CCDC152: variants seen among roughly 807,000 people sequenced by gnomAD.
CCDC152 encodes the protein coiled-coil domain containing 152.
In CCDC152, 37 loss-of-function variants were observed where a neutral mutation model predicts 38.1. The ratio of observed to expected loss-of-function variants is 0.97; its 90% CI spans 0.75 to 1.28. The LOEUF (loss-of-function observed/expected upper bound fraction) is 1.28. Among genes scored for constraint, CCDC152 ranks in the 50% most tolerant of loss-of-function variants. CCDC152 has a pLI of 0.00. For missense variants in CCDC152, 259 were observed against 292.1 expected (o/e 0.89, Z 0.83); for synonymous variants, 83 against 87.1 (o/e 0.95, Z 0.26).
chr5:42,767,037 C>A (rs1332155929), intron 3 of CCDC152, among the ~76,000 whole-genome samples: 6 of 152,046 alleles, frequency 3.9e-5, no homozygotes, highest in African/African-American at 1.4e-4. Flanking sequence ...AATATATACA[C>A]CTACTATGTA....
chr5:42,766,282 G>A (rs533560419), intron 3 of CCDC152, among the ~76,000 whole-genome samples: 3 of 152,316 alleles, frequency 2.0e-5, no homozygotes, highest in Non-Finnish European at 4.4e-5. Context: ...TGGTGAGGAT[G>A]TGGAGAGAAG....
At chr5:42,788,993 A>G (rs925484564) in intron 6 of CCDC152, among the ~76,000 whole-genome samples, 1 of 152,196 alleles carries the variant, frequency 6.6e-6, no homozygotes, top group African/African-American at 2.4e-5. Context: ...CAGCCAGTAC[A>G]GCACCCACCA....
In CCDC152 at chr5:42,801,330, G is replaced by C. The variant is rs1223855134; in HGVS notation, c.*1549G>C. The stretch of plus-strand genomic sequence containing the variant: ...TTTACAAAAGTCTTCATCTTTGAGA[G>C]TCTGGAACAAATTTATAAATCACTT... On this transcript the variant is annotated 3_prime_UTR_variant, in exon 9 of 9. Coordinates refer to ENST00000361970, the MANE Select transcript of CCDC152 (RefSeq NM_001134848.2). 2 of 1,592,950 alleles carry C rather than the reference G, an allele frequency of 1.3e-6. No homozygotes were observed. The highest frequency in any genetic ancestry group is 1.7e-6 in the Non-Finnish European group (2 of 1,171,192).
intron 6 of CCDC152, among the ~76,000 whole-genome samples, chr5:42,789,311 C>T (rs1400552406): frequency 1.3e-5 from 2 of 152,178 alleles, no homozygotes; most frequent in African/African-American, 4.8e-5. Flanking sequence ...TGGCTCTCTT[C>T]CCTCAGTTTT....
At chr5:42,785,604 G>T (rs2111575167) in intron 6 of CCDC152, among the ~76,000 whole-genome samples, 1 of 152,120 alleles carries the variant, frequency 6.6e-6, no homozygotes, top group East Asian at 1.9e-4. Context: ...TTTCCAATTT[G>T]AATGGCTACT....
chr5:42,768,105 C>A (rs536046022), intron 3 of CCDC152, among the ~76,000 whole-genome samples: 8 of 152,272 alleles, frequency 5.3e-5, no homozygotes, highest in Non-Finnish European at 1.0e-4. Flanking sequence ...AAAATACTCT[C>A]ATTTCTATCA....
chr5:42,793,667 G>A (rs1266369405), intron 6 of CCDC152, among the ~76,000 whole-genome samples: 3 of 152,178 alleles, frequency 2.0e-5, no homozygotes, highest in Non-Finnish European at 2.9e-5. Flanking sequence ...GGAGTGCAGT[G>A]TTGCCATCTC....
chr5:42,761,471 C>T (rs10155561), intron 2 of CCDC152, among the ~76,000 whole-genome samples: 4 of 151,894 alleles, frequency 2.6e-5, no homozygotes, highest in African/African-American at 4.8e-5. Flanking sequence ...AAAAATTAGC[C>T]GGGTGTGGTG....
intron 1 of CCDC152, among the ~76,000 whole-genome samples, chr5:42,757,187 C>G (rs903267688): frequency 1.3e-5 from 2 of 152,216 alleles, no homozygotes; most frequent in East Asian, 1.9e-4. Flanking sequence ...GTCCTCGGCC[C>G]CCATCCTTTA....
intron 5 of CCDC152, among the ~76,000 whole-genome samples, chr5:42,783,182 TA>T (rs1417479000): frequency 1.3e-5 from 2 of 152,018 alleles, no homozygotes; most frequent in African/African-American, 2.4e-5. Context: ...AAATTTAAAT[TA>T]AAAAATAAAT....
At chr5:42,758,125 A>G (rs892412901) in intron 1 of CCDC152, among the ~76,000 whole-genome samples, 1 of 152,228 alleles carries the variant, frequency 6.6e-6, no homozygotes, top group African/African-American at 2.4e-5. Flanking sequence ...ATAATTCGAG[A>G]TAATAATTCA....
At chr5:42,778,894 C>G (rs1279093163) in intron 4 of CCDC152, among the ~76,000 whole-genome samples, 1 of 152,088 alleles carries the variant, frequency 6.6e-6, no homozygotes, top group East Asian at 1.9e-4. Flanking sequence ...AACCAAAATC[C>G]AAAATTGTTC....
chr5:42,792,938 C>A (rs982661587), intron 6 of CCDC152, among the ~76,000 whole-genome samples: 1 of 152,152 alleles, frequency 6.6e-6, no homozygotes, highest in Non-Finnish European at 1.5e-5. Context: ...ACCCAGCATT[C>A]GCACTCCTGG....
Position 42,801,387 on chromosome 5 carries a change from G to C in CCDC152, c.*1606G>C. On this transcript the variant is annotated 3_prime_UTR_variant, in exon 9 of 9. Coordinates refer to ENST00000361970, the MANE Select transcript of CCDC152 (RefSeq NM_001134848.2). ...AAGCTTATAGAGATAGGAATAATGC[G>C]TGAAAAATGATTTGTAGAGCTAACA... is the stretch of plus-strand genomic sequence containing the variant. The C allele has an allele frequency of 2.3e-6, 3 of 1,291,740 alleles. No homozygotes were observed. Among genetic ancestry groups the C allele is most frequent in the Non-Finnish European group, 3.2e-6 (3 of 939,242 alleles). The allele number at this position is 1,291,740 out of a possible 1,614,324, so 80.0% of individuals were successfully genotyped here.
At chr5:42,771,373 G>C (rs1446692134) in intron 4 of CCDC152, among the ~76,000 whole-genome samples, 1 of 151,410 alleles carries the variant, frequency 6.6e-6, no homozygotes, top group Non-Finnish European at 1.5e-5. Flanking sequence ...ACTAGAAAAA[G>C]AACAACAAAT....
chr5:42,769,217 C>T (rs377031357), intron 3 of CCDC152, among the ~76,000 whole-genome samples: 1 of 150,526 alleles, frequency 6.6e-6, no homozygotes, highest in East Asian at 1.9e-4. Flanking sequence ...CACTGCACTT[C>T]AGCCTGGACG....
chr5:42,759,159 G>C lies in CCDC152; in HGVS notation c.38G>C (p.Ser13Thr). Residue 13 changes from serine to threonine, a missense_variant, in exon 2 of 9, where the codon AGC (serine) becomes ACC (threonine). By Grantham distance (58) the Ser-to-Thr change is moderately conservative. Transcript: ENST00000361970. ...QSSEGCMKKI[S>T]SVNLDKLIND... ...AGTGAAGGATGTATGAAAAAGATTAGCAGTGTGAATCTTGACAAACTTATA... is the reference window on the plus strand; with the variant it reads ...AGTGAAGGATGTATGAAAAAGATTACCAGTGTGAATCTTGACAAACTTATA... The C allele has an allele frequency of 6.4e-7, 1 of 1,551,224 alleles. No homozygotes were observed. Among genetic ancestry groups the C allele is most frequent in the South Asian group, 1.2e-5 (1 of 83,950 alleles).
At position 42,762,693 on chromosome 5, in the gene CCDC152, A is replaced by G. The variant is rs1394625691; in HGVS notation, c.193+145A>G. On this transcript the variant is annotated intron_variant, in intron 3 of 8. Coordinates refer to ENST00000361970, the MANE Select transcript of CCDC152 (RefSeq NM_001134848.2). The stretch of plus-strand genomic sequence containing the variant: ...TTATCATCTCATTTATATCCTTACT[A>G]TAGCCCTGAAAGACATGTAAGATGG... 4.9e-6 allele frequency: 3 copies of G among 607,108 alleles called. No homozygotes were observed. In the East Asian group the frequency reaches 8.9e-5, roughly 18 times the overall value. 37.6% of individuals were successfully genotyped at this position (607,108 alleles called of 1,614,324 possible). A position where few individuals can be genotyped will look rare whatever the true frequency, so the allele number is the denominator to read the frequency against.
intron 8 of CCDC152, 93 bp downstream of exon 8, chr5:42,799,551 G>C: frequency 8.6e-7 from 1 of 1,163,642 alleles, no homozygotes; most frequent in Non-Finnish European, 1.2e-6. Flanking sequence ...ACAATATAAG[G>C]TATTTTTTAA....
Sources: allele counts gnomAD v4.1 joint callset (sites outside exome capture counted in the v4.1 genomes callset), GRCh38; gene constraint gnomAD v4.1.1; transcripts MANE v1.5; gene names NCBI Gene and HGNC (gene_info 2026-07-23, HGNC 2026-07-21).